SLC14A2: variants seen among roughly 807,000 people sequenced by gnomAD.
The protein encoded by SLC14A2 is solute carrier family 14 member 2.
Under a neutral mutation model 104.6 loss-of-function variants are expected in SLC14A2, and 91 were observed. The ratio of observed to expected loss-of-function variants is 0.87; its 90% CI spans 0.73 to 1.04. The LOEUF (loss-of-function observed/expected upper bound fraction) is 1.04, where lower values mean the gene tolerates loss of function less well. Among genes scored for constraint, SLC14A2 ranks in the 50% least tolerant of loss-of-function variants. The probability of loss-of-function intolerance (pLI) is 0.00; values close to 1 mark genes in which losing one functional copy is unlikely to be tolerated. For synonymous variants in SLC14A2, 476 were observed against 466.4 expected, an observed-to-expected ratio of 1.02 and a Z score of -0.27; for missense variants, 1,189 against 1,156.0, an observed-to-expected ratio of 1.03 and a Z score of -0.41.
At chr18:45,588,827 T>C (rs780163194) in intron 2 of SLC14A2, among the ~76,000 whole-genome samples, 1 of 152,158 alleles carries the variant, frequency 6.6e-6, no homozygotes, top group Non-Finnish European at 1.5e-5. Flanking sequence ...TAAAACCCTA[T>C]AAACCCTAAA....
chr18:45,506,782 A>G (rs973316642), intron 2 of SLC14A2, among the ~76,000 whole-genome samples: 14 of 152,264 alleles, frequency 9.2e-5, no homozygotes, highest in African/African-American at 3.1e-4. Flanking sequence ...TGAAGTACCG[A>G]GTTTATTGGT....
Position 45,543,109 on chromosome 18 carries a change from C to T in SLC14A2, c.-35+59787C>T, listed in dbSNP as rs961244739. The stretch of plus-strand genomic sequence containing the variant: ...GATTACAGGTGCACACCACCACGCC[C>T]GGCTAGTTTTTGTATTTTTAGTAGA... On this transcript the variant is annotated intron_variant, in intron 2 of 20. Transcript: ENST00000586448. 1.1e-3 allele frequency among the ~76,000 whole-genome samples: 173 copies of T among 151,634 alleles called. 2 individuals carry two copies. The highest frequency in any genetic ancestry group is 1.5e-4 in the Non-Finnish European group (10 of 67,914).
chr18:45,651,360 TG>T (rs2045733551), intron 10 of SLC14A2, among the ~76,000 whole-genome samples: 1 of 152,130 alleles, frequency 6.6e-6, no homozygotes, highest in Non-Finnish European at 1.5e-5. Flanking sequence ...ATGATGAAGC[TG>T]GTTGTGTTTG....
At chr18:45,587,652 C>T (rs550293356) in intron 2 of SLC14A2, among the ~76,000 whole-genome samples, 11 of 152,132 alleles carry the variant, frequency 7.2e-5, no homozygotes, top group South Asian at 2.1e-4. Flanking sequence ...GCTGTTGAGC[C>T]AGAAGAGATC....
chr18:45,202,538 G>T, the SLC14A2 span, among the ~76,000 whole-genome samples: 56,127 of 151,906 alleles, frequency 0.37, 11,451 homozygotes, highest in Non-Finnish European at 0.48. Flanking sequence ...TTTTTGTTTC[G>T]TTTTGTGATA....
chr18:45,315,635 C>A (rs1307794287), intron 1 of SLC14A2, among the ~76,000 whole-genome samples: 2 of 152,096 alleles, frequency 1.3e-5, no homozygotes, highest in Non-Finnish European at 2.9e-5. Context: ...TACATGAGTA[C>A]TCCTGACTGG....
intron 2 of SLC14A2, among the ~76,000 whole-genome samples, chr18:45,574,724 C>T (rs1201457928): frequency 6.6e-6 from 1 of 152,236 alleles, no homozygotes; most frequent in Non-Finnish European, 1.5e-5. Flanking sequence ...TGTACCTTTT[C>T]ATCAACCGAA....
At chr18:45,474,172 G>C (rs1282148031) in intron 1 of SLC14A2, among the ~76,000 whole-genome samples, 1 of 152,148 alleles carries the variant, frequency 6.6e-6, no homozygotes, top group Non-Finnish European at 1.5e-5. Context: ...TTATGTGATG[G>C]ATTACGTTTA....
intron 19 of SLC14A2, 122 bp from the exon 20 acceptor site, chr18:45,682,197 G>T: frequency 1.2e-6 from 1 of 802,082 alleles, no homozygotes; most frequent in Non-Finnish European, 2.2e-6. Context: ...GGTCATCAAT[G>T]AAGTATCAAT....
intron 1 of SLC14A2, among the ~76,000 whole-genome samples, chr18:45,232,493 G>A (rs188141792): frequency 4.1e-4 from 63 of 152,252 alleles, no homozygotes; most frequent in African/African-American, 1.5e-3. Flanking sequence ...AATCAACTAG[G>A]TGAAAATAGT....
intron 2 of SLC14A2, among the ~76,000 whole-genome samples, chr18:45,547,185 G>GA (rs1035600941): frequency 4.0e-5 from 6 of 149,508 alleles, no homozygotes; most frequent in Admixed American, 6.6e-5. Flanking sequence ...TAAACAAAAG[G>GA]AAAAAAAAAG....
At chr18:45,667,593 C>T (rs1253927558) in intron 13 of SLC14A2, among the ~76,000 whole-genome samples, 1 of 152,214 alleles carries the variant, frequency 6.6e-6, no homozygotes, top group Non-Finnish European at 1.5e-5. Context: ...CACCTAATCC[C>T]CCCTGCCAGA....
At chr18:45,340,376 A>G (rs1048286074) in intron 1 of SLC14A2, among the ~76,000 whole-genome samples, 1 of 152,218 alleles carries the variant, frequency 6.6e-6, no homozygotes, top group East Asian at 1.9e-4. Context: ...TGAGAAGTAC[A>G]TGCCCTGCCC....
At chr18:45,672,064 A>C (rs1044765241) in intron 16 of SLC14A2, among the ~76,000 whole-genome samples, 1 of 152,172 alleles carries the variant, frequency 6.6e-6, no homozygotes, top group Non-Finnish European at 1.5e-5. Flanking sequence ...TATTAATCAA[A>C]ATAGCAGATG....
intron 1 of SLC14A2, among the ~76,000 whole-genome samples, chr18:45,391,607 T>A (rs987602748): frequency 1.5e-4 from 23 of 152,362 alleles, no homozygotes; most frequent in Non-Finnish European, 3.1e-4. Context: ...GACTTTTTAA[T>A]GATCACCATT....
chr18:45,217,319 T>A (rs1209459300), intron 1 of SLC14A2, among the ~76,000 whole-genome samples: 2 of 146,160 alleles, frequency 1.4e-5, no homozygotes, highest in Middle Eastern at 6.7e-3. Context: ...TATATACATA[T>A]GTATATATAA....
At chr18:45,450,197 C>G (rs1252058532) in intron 1 of SLC14A2, among the ~76,000 whole-genome samples, 2 of 152,214 alleles carry the variant, frequency 1.3e-5, no homozygotes, top group East Asian at 3.8e-4. Context: ...AGCACATTCT[C>G]TGCTTGGTTG....
chr18:45,366,285 C>A (rs931003614), intron 1 of SLC14A2, among the ~76,000 whole-genome samples: 1 of 152,146 alleles, frequency 6.6e-6, no homozygotes, highest in Non-Finnish European at 1.5e-5. Flanking sequence ...CAACTTCACC[C>A]AGGGGCTTCC....
chr18:45,323,449 C>T (rs547303970), intron 1 of SLC14A2, among the ~76,000 whole-genome samples: 2 of 152,066 alleles, frequency 1.3e-5, no homozygotes, highest in Non-Finnish European at 2.9e-5. Context: ...CTGGGAAGGA[C>T]AAAGGGAAGA....
Sources: allele counts gnomAD v4.1 joint callset (sites outside exome capture counted in the v4.1 genomes callset), GRCh38; gene constraint gnomAD v4.1.1; transcripts MANE v1.5; gene names NCBI Gene and HGNC (gene_info 2026-07-23, HGNC 2026-07-21).